DEPTOR: variants seen among roughly 807,000 people sequenced by gnomAD.
DEPTOR encodes DEP domain containing MTOR interacting protein, also known as DEP domain-containing mTOR-interacting protein.
DEPTOR carries 41 observed loss-of-function variants against 41.6 expected under a neutral mutation model. That is an observed-to-expected ratio of 0.98 (90% CI 0.77 to 1.28). The LOEUF (loss-of-function observed/expected upper bound fraction) is 1.28, where lower values mean the gene tolerates loss of function less well. Ranked by LOEUF, DEPTOR falls within the 50% of genes most tolerant of loss-of-function variation. The pLI, the probability that DEPTOR is intolerant of heterozygous loss-of-function variation, is 0.00. For missense variants in DEPTOR, 514 were observed against 527.9 expected (o/e 0.97, Z 0.26); for synonymous variants, 195 against 192.3 (o/e 1.01, Z -0.12).
At chr8:119,916,136 C>T (rs904474126) in intron 1 of DEPTOR, among the ~76,000 whole-genome samples, 3 of 151,942 alleles carry the variant, frequency 2.0e-5, no homozygotes, top group South Asian at 4.1e-4. Flanking sequence ...CAGTGAATAA[C>T]GGGTGGACGC....
intron 8 of DEPTOR, among the ~76,000 whole-genome samples, chr8:120,048,704 G>A (rs937976544): frequency 5.3e-5 from 8 of 152,032 alleles, no homozygotes; most frequent in Non-Finnish European, 1.2e-4. Flanking sequence ...TTTTTTGAAA[G>A]GAAAGAGATT....
intron 3 of DEPTOR, among the ~76,000 whole-genome samples, chr8:119,955,923 T>G (rs1031620209): frequency 6.6e-6 from 1 of 152,154 alleles, no homozygotes; most frequent in African/African-American, 2.4e-5. Flanking sequence ...GAACTCATCT[T>G]GGCAGCATCT....
intron 1 of DEPTOR, 55 bp downstream of exon 1, chr8:119,874,023 G>T: frequency 6.2e-7 from 1 of 1,605,764 alleles, no homozygotes; most frequent in Non-Finnish European, 8.5e-7. Context: ...ACGCGTGCCC[G>T]CTGCAGTCCT....
Position 119,986,279 on chromosome 8 carries a change from A to C in DEPTOR, c.605-15246A>C, listed in dbSNP as rs558827641. Among the ~76,000 whole-genome samples, 58 of 152,140 alleles carry C rather than the reference A, an allele frequency of 3.8e-4. 1 individual carries two copies. The highest frequency in any genetic ancestry group is 1.4e-3 in the African/African-American group (57 of 41,490). On this transcript the variant is annotated intron_variant, in intron 4 of 8. Transcript: ENST00000286234. ...CTGTAAAGGATTTTATTTCTCCTTC[A>C]CTTATAAGCGTAGTTTGGCCTGCAT...
chr8:119,900,113 G>A (rs916108617), intron 1 of DEPTOR, among the ~76,000 whole-genome samples: 1 of 151,944 alleles, frequency 6.6e-6, no homozygotes, highest in African/African-American at 2.4e-5. Context: ...AAGGTCAGAA[G>A]TTCAAGACCA....
chr8:119,945,362 C>T (rs1020882815), intron 3 of DEPTOR, among the ~76,000 whole-genome samples: 1 of 152,066 alleles, frequency 6.6e-6, no homozygotes, highest in African/African-American at 2.4e-5. Context: ...ATAATCTTAG[C>T]CATCATTTAC....
chr8:119,988,145 C>T (rs1386134756), intron 4 of DEPTOR, among the ~76,000 whole-genome samples: 1 of 152,148 alleles, frequency 6.6e-6, no homozygotes, highest in Non-Finnish European at 1.5e-5. Context: ...GTGGTGTAGG[C>T]ACCCGAGGGA....
At chr8:119,992,949 G>A (rs544044287) in intron 4 of DEPTOR, among the ~76,000 whole-genome samples, 29 of 152,122 alleles carry the variant, frequency 1.9e-4, no homozygotes, top group African/African-American at 5.3e-4. Context: ...GAGCCACTGC[G>A]CCCAACGAAA....
intron 8 of DEPTOR, among the ~76,000 whole-genome samples, chr8:120,034,792 CTT>C (rs917756483): frequency 6.6e-6 from 1 of 152,060 alleles, no homozygotes; most frequent in African/African-American, 2.4e-5. Context: ...AGTACTTAAT[CTT>C]TTAAAACCTT....
intron 1 of DEPTOR, among the ~76,000 whole-genome samples, chr8:119,889,809 T>TG: frequency 6.6e-6 from 1 of 152,226 alleles, no homozygotes; most frequent in East Asian, 1.9e-4. Context: ...CTTTAGCTTC[T>TG]GGGTTGCCCT....
At chr8:119,909,288 T>A (rs1330063711) in intron 1 of DEPTOR, among the ~76,000 whole-genome samples, 1 of 152,234 alleles carries the variant, frequency 6.6e-6, no homozygotes, top group Non-Finnish European at 1.5e-5. Flanking sequence ...CCAGTTCAAA[T>A]GACAGCTGTC....
chr8:119,889,313 G>A (rs1827415837), intron 1 of DEPTOR, among the ~76,000 whole-genome samples: 1 of 151,784 alleles, frequency 6.6e-6, no homozygotes, highest in African/African-American at 2.4e-5. Flanking sequence ...TTGGGAGGCT[G>A]AGGTCGGAAG....
At chr8:119,883,744 CT>C (rs1827329481) in intron 1 of DEPTOR, among the ~76,000 whole-genome samples, 1 of 152,154 alleles carries the variant, frequency 6.6e-6, no homozygotes, top group South Asian at 2.1e-4. Flanking sequence ...CCCTGCAATA[CT>C]TTTACCTACA....
intron 1 of DEPTOR, among the ~76,000 whole-genome samples, chr8:119,927,212 C>T (rs139632773): frequency 2.0e-3 from 311 of 152,212 alleles, no homozygotes; most frequent in African/African-American, 7.1e-3. Context: ...TGGCCGTTTA[C>T]GTGGTCTCTG....
intron 4 of DEPTOR, among the ~76,000 whole-genome samples, chr8:119,983,827 G>T (rs1450219167): frequency 6.6e-6 from 1 of 151,770 alleles, no homozygotes; most frequent in African/African-American, 2.4e-5. Context: ...TTAAAAAAAA[G>T]ACTATGTCTT....
intron 8 of DEPTOR, among the ~76,000 whole-genome samples, chr8:120,019,632 A>C (rs1812667924): frequency 6.6e-6 from 1 of 152,154 alleles, no homozygotes; most frequent in African/African-American, 2.4e-5. Flanking sequence ...TCTTCCTCAT[A>C]GGGTTGGTGA....
chr8:119,923,556 G>A (rs893351130), intron 1 of DEPTOR, among the ~76,000 whole-genome samples: 1 of 151,950 alleles, frequency 6.6e-6, no homozygotes, highest in Non-Finnish European at 1.5e-5. Flanking sequence ...TGCTTTAATT[G>A]CTTTTTCTTC....
At chr8:120,001,076 C>CAAA (rs199941553) in intron 4 of DEPTOR, among the ~76,000 whole-genome samples, 2 of 148,624 alleles carry the variant, frequency 1.3e-5, no homozygotes, top group African/African-American at 5.1e-5. Flanking sequence ...GACACCATCT[C>CAAA]AAAAAAAAAG....
chr8:119,932,166 G>A (rs1828052621), intron 3 of DEPTOR, among the ~76,000 whole-genome samples: 1 of 151,242 alleles, frequency 6.6e-6, no homozygotes, highest in Admixed American at 6.6e-5. Context: ...TTAACTTTTT[G>A]TAGAGACAGG....
Sources: gnomAD v4.1 joint callset for allele counts (sites outside exome capture counted in the v4.1 genomes callset) on GRCh38, gnomAD v4.1.1 for gene constraint, MANE v1.5 for transcripts, NCBI Gene and HGNC (gene_info 2026-07-23, HGNC 2026-07-21) for gene names.